The following THRB variants were observed in gnomAD, a reference collection of about 807,000 sequenced individuals.
THRB encodes the protein thyroid hormone receptor beta, also known as nuclear receptor subfamily 1 group A member 2.
A neutral mutation model predicts 47.8 loss-of-function variants in THRB; 12 were observed. The ratio of observed to expected loss-of-function variants is 0.25; its 90% CI spans 0.16 to 0.41. The LOEUF (loss-of-function observed/expected upper bound fraction) is 0.41. Among genes scored for constraint, THRB ranks in the 10% least tolerant of loss-of-function variants. The pLI is 1.00. For synonymous variants in THRB, 218 were observed against 212.2 expected (o/e 1.03, Z -0.24); for missense variants, 348 against 589.2 (o/e 0.59, Z 4.24).
intron 5 of THRB, among the ~76,000 whole-genome samples, chr3:24,174,434 A>G (rs549532116): frequency 6.6e-6 from 1 of 152,138 alleles, no homozygotes; most frequent in Non-Finnish European, 1.5e-5. Flanking sequence ...AGAGGTTTCT[A>G]TACCTCTCAT....
At chr3:24,409,780 A>C (rs1234567383) in intron 1 of THRB, among the ~76,000 whole-genome samples, 1 of 151,834 alleles carries the variant, frequency 6.6e-6, no homozygotes, top group Admixed American at 6.6e-5. Flanking sequence ...ATGCAGCTAC[A>C]ACTGTAGAAA....
At chr3:24,365,478 CG>C (rs1424521673) in intron 1 of THRB, among the ~76,000 whole-genome samples, 1 of 152,108 alleles carries the variant, frequency 6.6e-6, no homozygotes, top group Non-Finnish European at 1.5e-5. Context: ...ATAAGGTCCC[CG>C]GGCAGTTCAA....
chr3:24,134,986 G>A (rs1239227987), intron 8 of THRB, among the ~76,000 whole-genome samples: 2 of 152,166 alleles, frequency 1.3e-5, no homozygotes, highest in Non-Finnish European at 2.9e-5. Flanking sequence ...AAACTTCACT[G>A]TGCGTCAGTA....
intron 7 of THRB, among the ~76,000 whole-genome samples, chr3:24,146,120 C>A (rs555518231): frequency 6.6e-6 from 1 of 152,170 alleles, no homozygotes; most frequent in Admixed American, 6.5e-5. Context: ...ATATAACAAA[C>A]AACCAACTGC....
At position 24,120,854 on chromosome 3, in the gene THRB, A is replaced by G. The variant is rs886058285; in HGVS notation, c.*2030T>C. 5.9e-5 allele frequency: 9 copies of G among 152,320 alleles called. No homozygotes were observed. The highest frequency in any genetic ancestry group is 2.6e-4 in the Admixed American group (4 of 15,304). The allele number at this position is 152,320 out of a possible 1,614,324, so 9.4% of individuals were successfully genotyped here. A position where few individuals can be genotyped will look rare whatever the true frequency, so the allele number is the denominator to read the frequency against. ...CCTTTCTCTGGGTAACAAGTTCCAT[A>G]GCAATGTTCTTGTTTCCTTTTTCCC... On this transcript the variant is annotated 3_prime_UTR_variant, in exon 11 of 11. Coordinates refer to ENST00000646209, the MANE Select transcript of THRB (RefSeq NM_001354712.2).
chr3:24,453,256 A>T (rs2072844896), intron 1 of THRB, among the ~76,000 whole-genome samples: 1 of 152,254 alleles, frequency 6.6e-6, no homozygotes, highest in South Asian at 2.1e-4. Context: ...ATGCATATAC[A>T]GCATTATTAA....
chr3:24,272,419 A>G (rs746967227), intron 3 of THRB, among the ~76,000 whole-genome samples: 3 of 152,038 alleles, frequency 2.0e-5, no homozygotes, highest in Non-Finnish European at 4.4e-5. Flanking sequence ...AAACCCTCTC[A>G]AAGCCCCCCA....
intron 1 of THRB, among the ~76,000 whole-genome samples, chr3:24,412,908 G>C (rs2068428957): frequency 6.6e-6 from 1 of 151,600 alleles, no homozygotes; most frequent in African/African-American, 2.4e-5. Flanking sequence ...AAATATGTGA[G>C]AAAAAAATCT....
rs567050685 is a variant in THRB at position 24,189,721 on chromosome 3, C to A, written c.283+353G>T. ...AGAAATGTACACATGCACAGACACA[C>A]TTTAAAGCAAGACTTCATAAAAATA... On this transcript the variant is annotated intron_variant, in intron 5 of 10. Transcript: ENST00000646209. Among the ~76,000 whole-genome samples, 10 of 152,302 alleles carry A rather than the reference C, an allele frequency of 6.6e-5. No homozygotes were observed. In the South Asian group the frequency reaches 2.1e-3, roughly 32 times the overall value.
chr3:24,307,589 A>T (rs1302451803), intron 2 of THRB, among the ~76,000 whole-genome samples: 1 of 152,186 alleles, frequency 6.6e-6, no homozygotes, highest in East Asian at 1.9e-4. Context: ...TCCAAATACA[A>T]ATAATGCCAC....
At chr3:24,149,391 C>A (rs1469917158) in intron 6 of THRB, among the ~76,000 whole-genome samples, 1 of 152,136 alleles carries the variant, frequency 6.6e-6, no homozygotes, top group Admixed American at 6.6e-5. Flanking sequence ...GATGCTGACT[C>A]ATGTTCAGGG....
At chr3:24,160,727 G>A (rs987964066) in intron 5 of THRB, among the ~76,000 whole-genome samples, 2 of 152,186 alleles carry the variant, frequency 1.3e-5, no homozygotes, top group African/African-American at 2.4e-5. Context: ...GTGGTAGGGC[G>A]GGAAGCGGCT....
chr3:24,215,117 A>C (rs2149912263), intron 4 of THRB, among the ~76,000 whole-genome samples: 1 of 152,368 alleles, frequency 6.6e-6, no homozygotes, highest in Non-Finnish European at 1.5e-5. Context: ...AAGCAAGAGC[A>C]CTAACATTTA....
At chr3:24,456,687 T>G (rs1457837377) in intron 1 of THRB, among the ~76,000 whole-genome samples, 1 of 151,470 alleles carries the variant, frequency 6.6e-6, no homozygotes, top group Non-Finnish European at 1.5e-5. Context: ...TTGTATAAGA[T>G]AGTAAACAAA....
intron 1 of THRB, among the ~76,000 whole-genome samples, chr3:24,373,144 TA>T (rs893449521): frequency 1.2e-4 from 18 of 151,130 alleles, no homozygotes; most frequent in African/African-American, 3.9e-4. Flanking sequence ...TTCTACAACT[TA>T]AAAAAAAAGT....
chr3:24,197,155 A>G (rs2044048974), intron 4 of THRB, among the ~76,000 whole-genome samples: 1 of 152,248 alleles, frequency 6.6e-6, no homozygotes, highest in Admixed American at 6.5e-5. Flanking sequence ...CTTTGCAAAC[A>G]CAAAACTATT....
intron 3 of THRB, among the ~76,000 whole-genome samples, chr3:24,243,578 T>C (rs758938924): frequency 6.6e-6 from 1 of 152,070 alleles, no homozygotes; most frequent in Non-Finnish European, 1.5e-5. Context: ...GATGCCTATT[T>C]GAACATCCCA....
At chr3:24,207,872 A>T (rs1012931092) in intron 4 of THRB, among the ~76,000 whole-genome samples, 1 of 152,202 alleles carries the variant, frequency 6.6e-6, no homozygotes, top group Non-Finnish European at 1.5e-5. Flanking sequence ...AAAGAAATAT[A>T]TGGTATTCAA....
intron 5 of THRB, among the ~76,000 whole-genome samples, chr3:24,161,487 A>G (rs758822960): frequency 1.3e-5 from 2 of 151,326 alleles, no homozygotes; most frequent in Non-Finnish European, 2.9e-5. Flanking sequence ...GGAAAGTAGG[A>G]GAGAGAGACA....
Sources: gnomAD v4.1 joint callset for allele counts (sites outside exome capture counted in the v4.1 genomes callset) on GRCh38, gnomAD v4.1.1 for gene constraint, MANE v1.5 for transcripts, NCBI Gene and HGNC (gene_info 2026-07-23, HGNC 2026-07-21) for gene names.